The following NOM1 variants were observed in gnomAD, a reference collection of about 807,000 sequenced individuals.
NOM1 encodes nucleolar protein with MIF4G domain 1, also known as nucleolar MIF4G domain-containing protein 1.
In NOM1, 58 loss-of-function variants were observed where a neutral mutation model predicts 73.3. That is an observed-to-expected ratio of 0.79 (90% CI 0.64 to 0.99). The LOEUF (loss-of-function observed/expected upper bound fraction) is 0.99. Ranked by LOEUF, NOM1 falls within the 50% of genes least tolerant of loss-of-function variation. The pLI, the probability that NOM1 is intolerant of heterozygous loss-of-function variation, is 0.00. For missense variants in NOM1, 1,226 were observed against 1,131.9 expected (o/e 1.08, Z -1.19); for synonymous variants, 487 against 446.8 (o/e 1.09, Z -1.14).
rs1804568434 is a variant in NOM1, at chr7:156,950,642, AAAG to A, written c.906_908del (p.Arg304del). 1 of 1,554,958 alleles carries A rather than the reference AAAG, an allele frequency of 6.4e-7. No individual in the cohort carries two copies. Among genetic ancestry groups the A allele is most frequent in the East Asian group, 2.4e-5 (1 of 40,996 alleles). On this transcript the variant is annotated inframe_deletion, in exon 1 of 11. Coordinates refer to ENST00000275820, the MANE Select transcript of NOM1 (RefSeq NM_138400.2). ...GAAAAGGAAAAGGGAGCGCAGGAGAAAAGGAGGGGGAAGAGAGTCCGTTTTGCA... is the reference window on the plus strand; with the variant it reads ...GAAAAGGAAAAGGGAGCGCAGGAGAAGAGGGGGAAGAGAGTCCGTTTTGCA...
In NOM1 at chr7:156,949,751, G is replaced by A. The variant is rs527364545; in HGVS notation, c.14G>A (p.Arg5Lys). MAAS[R>K]SAGEAGPGGS... ...GCGTTTCGAAAGATGGCGGCGTCCA[G>A]GAGCGCGGGAGAGGCCGGCCCGGGC... Residue 5 changes from arginine (R) to lysine (K), a missense_variant, in exon 1 of 11, where the codon AGG becomes AAG. Coordinates refer to ENST00000275820, the MANE Select transcript of NOM1 (RefSeq NM_138400.2). 2.4e-5 allele frequency: 33 copies of A among 1,386,016 alleles called. No individual in the cohort carries two copies. The African/African-American group carries it at 3.0e-4, about 13-fold the overall frequency. The allele number at this position is 1,386,016 out of a possible 1,614,324, so 85.9% of individuals were successfully genotyped here.
In NOM1 at chr7:156,963,141, A is replaced by G; in HGVS notation, c.1877A>G (p.His626Arg). 1 of 1,614,156 alleles carries G rather than the reference A, an allele frequency of 6.2e-7. No individual in the cohort carries two copies. Among genetic ancestry groups the G allele is most frequent in the Non-Finnish European group, 8.5e-7 (1 of 1,180,022 alleles). ...WSGAPMIDNS[H>R]HTHLQKQLVG... ...GGGGCCCCGATGATCGACAACAGTC[A>G]CCATACGCACCTGCAGAAGCAGCTT... The change falls in exon 6 of 11, where the codon CAC becomes CGC. Residue 626 changes from histidine to arginine, a missense_variant. Transcript: ENST00000275820.
chr7:156,957,789 A>AG (rs1208681599), intron 3 of NOM1, among the ~76,000 whole-genome samples: 7 of 133,934 alleles, frequency 5.2e-5, no homozygotes, highest in Non-Finnish European at 1.1e-4. Context: ...AAAAAAAAAA[A>AG]AAAAAAAAAA....
intron 3 of NOM1, among the ~76,000 whole-genome samples, chr7:156,956,887 G>T (rs1211352552): frequency 6.6e-6 from 1 of 152,052 alleles, no homozygotes; most frequent in Non-Finnish European, 1.5e-5. Flanking sequence ...TGACTTTCTT[G>T]GTACCTCCCT....
intron 5 of NOM1, 25 bp from the exon 6 acceptor site, chr7:156,962,978 GCATTT>G (rs1431976035): frequency 3.1e-6 from 5 of 1,597,438 alleles, no homozygotes; most frequent in Non-Finnish European, 4.3e-6. Context: ...CCAATTAAAA[GCATTT>G]CATTAGCTCT....
rs543577080 is a variant in NOM1 at position 156,952,506 on chromosome 7, A to C, written c.1020A>C (p.Pro340=). Residue 340 remains proline (P), a synonymous_variant, in exon 2 of 11, where the codon CCA becomes CCC. Transcript: ENST00000275820. ...SLCGSGEKYI[P]PHVRQAEETV... is the part of the protein sequence containing the mutation. ...GTGGAAGTGGTGAAAAGTACATCCC[A>C]CCTCATGTGAGGCAAGCTGAGGAGA... The C allele has an allele frequency of 1.7e-5, 28 of 1,613,872 alleles. No individual in the cohort carries two copies. The highest frequency in any genetic ancestry group is 2.3e-5 in the Non-Finnish European group (27 of 1,179,934).
chr7:156,966,345 C>G lies in NOM1; in HGVS notation c.2109C>G (p.Tyr703Ter). The change falls in exon 8 of 11, where the codon TAC becomes TAG. Residue 703 changes from tyrosine (Y) to a stop codon, truncating the protein, a stop_gained. Transcript: ENST00000275820. LOFTEE classifies it high-confidence loss of function. ...ATTGCTGCCTTCAAGAGAAAACTTA[C>G]AATCCCTTCTATGCTTTCCTGGCTA... The part of the protein sequence containing the change: ...LMDCCLQEKT[Y>*]NPFYAFLASK... 6.2e-7 allele frequency: 1 copy of G among 1,614,220 alleles called. No homozygotes were observed. The highest frequency in any genetic ancestry group is 8.5e-7 in the Non-Finnish European group (1 of 1,180,034).
chr7:156,969,798 A>T lies in NOM1; in HGVS notation c.*95A>T. On this transcript the variant is annotated 3_prime_UTR_variant, in exon 11 of 11. Coordinates refer to ENST00000275820, the MANE Select transcript of NOM1 (RefSeq NM_138400.2). ...TGTTGCCTGCGTGTGAATGTTTGGT[A>T]GAGCTATATCATTGTCTGTTAATGT... The T allele has an allele frequency of 2.5e-6, 3 of 1,196,866 alleles. No individual in the cohort carries two copies. The highest frequency in any genetic ancestry group is 3.4e-6 in the Non-Finnish European group (3 of 871,726). 74.1% of individuals were successfully genotyped at this position (1,196,866 alleles called of 1,614,324 possible).
At chr7:156,969,037 A>T in intron 9 of NOM1, 50 bp from the exon 10 acceptor site, 1 of 958,094 alleles carries the variant, frequency 1.0e-6, no homozygotes, top group Non-Finnish European at 1.7e-6. Context: ...TCATTGAAAA[A>T]GTTGGCTAAA....
chr7:156,961,999 G>A (rs1306053827), intron 4 of NOM1, 152 bp from the exon 5 acceptor site: 7 of 665,174 alleles, frequency 1.1e-5, no homozygotes, highest in Non-Finnish European at 1.9e-5. Context: ...GCTGAGACTA[G>A]TTTAGACTGT....
chr7:156,963,524 T>C lies in NOM1; in HGVS notation c.1911+349T>C, dbSNP rs1804920842. 3 of 397,386 alleles carry C rather than the reference T, an allele frequency of 7.5e-6. No homozygotes were observed. The South Asian group carries it at 8.7e-5, about 12-fold the overall frequency. 24.6% of individuals were successfully genotyped at this position (397,386 alleles called of 1,614,324 possible). On this transcript the variant is annotated intron_variant, in intron 6 of 10. Coordinates refer to ENST00000275820, the MANE Select transcript of NOM1 (RefSeq NM_138400.2). ...GCTACAGGCTATGGATTTCACATTGTGGAAATTCAAGCCCATTTTTCATCC... is the reference window on the plus strand; with the variant it reads ...GCTACAGGCTATGGATTTCACATTGCGGAAATTCAAGCCCATTTTTCATCC...
At chr7:156,964,433 A>G (rs1279209152) in intron 7 of NOM1, among the ~76,000 whole-genome samples, 1 of 152,072 alleles carries the variant, frequency 6.6e-6, no homozygotes, top group East Asian at 1.9e-4. Flanking sequence ...CTTCATTTAA[A>G]ACATCCTGGT....
chr7:156,961,134 G>C (rs1804854342), intron 4 of NOM1, among the ~76,000 whole-genome samples: 1 of 152,186 alleles, frequency 6.6e-6, no homozygotes, highest in East Asian at 1.9e-4. Flanking sequence ...CTGGCAGCAG[G>C]TGGGCTGTGA....
intron 7 of NOM1, 186 bp from the exon 8 acceptor site, chr7:156,966,084 C>G (rs2134796344): frequency 1.5e-6 from 1 of 666,702 alleles, no homozygotes; most frequent in Non-Finnish European, 2.6e-6. Flanking sequence ...TGTAGGAGAA[C>G]CTGAGGACCA....
intron 3 of NOM1, among the ~76,000 whole-genome samples, chr7:156,957,706 C>T (rs1804757603): frequency 7.6e-6 from 1 of 131,106 alleles, no homozygotes; most frequent in Admixed American, 8.8e-5. Flanking sequence ...ACCCAGCAGG[C>T]GGAGCTTGCA....
At chr7:156,963,480 C>G (rs1219150352) in intron 6 of NOM1, 13 of 473,794 alleles carry the variant, frequency 2.7e-5, no homozygotes, top group African/African-American at 1.8e-4. Context: ...CAGGCTGCCC[C>G]CCGGGCTGTG....
rs1437949477 is a variant in NOM1, at chr7:156,967,079, T to C, written c.2285T>C (p.Leu762Pro). The change falls in exon 9 of 11, where the codon CTT becomes CCT. Residue 762 changes from leucine (L) to proline (P), a missense_variant. Physicochemically the swap from Leu to Pro is moderately conservative, Grantham distance 98. Coordinates refer to ENST00000275820, the MANE Select transcript of NOM1 (RefSeq NM_138400.2). ...AHLLKTKSLS[L>P]SILKVVEFSE... ...TTGTTGAAGACAAAATCGCTTTCCC[T>C]TTCCATCTTAAAGGTTCGTGTAACG... 2 of 1,613,186 alleles carry C rather than the reference T, an allele frequency of 1.2e-6. No individual in the cohort carries two copies. The highest frequency in any genetic ancestry group is 3.3e-5 in the Admixed American group (2 of 59,802).
intron 9 of NOM1, among the ~76,000 whole-genome samples, chr7:156,967,654 G>A (rs1990436): frequency 0.74 from 112,360 of 151,994 alleles, 41,828 homozygotes; most frequent in African/African-American, 0.81. Flanking sequence ...CCTCCCAAGT[G>A]GCTGGGATTA....
At chr7:156,954,061 A>G in intron 2 of NOM1, 42 bp from the exon 3 acceptor site, 1 of 1,543,630 alleles carries the variant, frequency 6.5e-7, no homozygotes. Flanking sequence ...AAAATTCCTA[A>G]TTGGAAACAT....
Sources: gnomAD v4.1 joint callset for allele counts (sites outside exome capture counted in the v4.1 genomes callset) on GRCh38, gnomAD v4.1.1 for gene constraint, MANE v1.5 for transcripts, NCBI Gene and HGNC (gene_info 2026-07-23, HGNC 2026-07-21) for gene names.